Variants in CCNY observed in about 807,000 individuals in gnomAD.
CCNY encodes cyclin-Y.
In CCNY, 19 loss-of-function variants were observed where a neutral mutation model predicts 42.8. That is an observed-to-expected ratio of 0.44 (90% CI 0.31 to 0.65). CCNY has a LOEUF of 0.65. CCNY is among the 30% of genes least tolerant of loss of function. The probability of loss-of-function intolerance (pLI) is 0.07; values close to 1 mark genes in which losing one functional copy is unlikely to be tolerated. For synonymous variants in CCNY, 165 were observed against 162.7 expected (o/e 1.01, Z -0.11); for missense variants, 370 against 437.3 (o/e 0.85, Z 1.37).
chr10:35,568,455 C>T (rs1841615856), intron 9 of CCNY, among the ~76,000 whole-genome samples: 1 of 152,226 alleles, frequency 6.6e-6, no homozygotes, highest in Non-Finnish European at 1.5e-5. Flanking sequence ...CATGGTCCCC[C>T]GTCCTTATCA....
intron 3 of CCNY, among the ~76,000 whole-genome samples, chr10:35,281,694 A>G (rs1182926284): frequency 2.0e-5 from 3 of 152,186 alleles, no homozygotes; most frequent in Non-Finnish European, 4.4e-5. Context: ...GAATGGATAA[A>G]TGAATGAAAT....
At chr10:35,383,433 G>A (rs573338199) in intron 1 of CCNY, among the ~76,000 whole-genome samples, 1 of 151,650 alleles carries the variant, frequency 6.6e-6, no homozygotes, top group Admixed American at 6.6e-5. Flanking sequence ...CCAGCCTCCC[G>A]AGTAGCTGGG....
At chr10:35,349,329 C>A (rs964551318) in intron 1 of CCNY, among the ~76,000 whole-genome samples, 8 of 152,188 alleles carry the variant, frequency 5.3e-5, no homozygotes, top group African/African-American at 1.9e-4. Context: ...GCTACCCACT[C>A]TCCCACAACC....
At chr10:35,276,788 T>C (rs535100489) in intron 3 of CCNY, among the ~76,000 whole-genome samples, 1 of 152,336 alleles carries the variant, frequency 6.6e-6, no homozygotes, top group African/African-American at 2.4e-5. Context: ...CACTAGTCCT[T>C]TCTTCATCAC....
intron 3 of CCNY, among the ~76,000 whole-genome samples, chr10:35,513,599 C>T (rs535766227): frequency 1.3e-5 from 2 of 152,334 alleles, no homozygotes; most frequent in African/African-American, 4.8e-5. Context: ...TGCACTCCTT[C>T]TGATAGACCC....
intron 3 of CCNY, among the ~76,000 whole-genome samples, chr10:35,290,265 A>ACAC (rs1405052578): frequency 1.4e-4 from 7 of 50,156 alleles, no homozygotes; most frequent in South Asian, 7.7e-4. Context: ...CACACACACA[A>ACAC]AATTAGCTGG....
intron 1 of CCNY, among the ~76,000 whole-genome samples, chr10:35,430,162 C>A (rs191363290): frequency 1.3e-5 from 2 of 151,074 alleles, no homozygotes; most frequent in East Asian, 3.9e-4. Context: ...ACGGTGAAAC[C>A]CCGTCTCTAC....
At chr10:35,424,417 G>T (rs1459477383) in intron 1 of CCNY, among the ~76,000 whole-genome samples, 1 of 152,114 alleles carries the variant, frequency 6.6e-6, no homozygotes, top group African/African-American at 2.4e-5. Flanking sequence ...GTAGAGACGG[G>T]GTTTCTCCAT....
At chr10:35,423,981 A>G (rs1323752923) in intron 1 of CCNY, among the ~76,000 whole-genome samples, 1 of 152,168 alleles carries the variant, frequency 6.6e-6, no homozygotes, top group Non-Finnish European at 1.5e-5. Context: ...GGTAATTCCC[A>G]TACCAGTAAC....
intron 9 of CCNY, among the ~76,000 whole-genome samples, chr10:35,568,140 G>A (rs906426764): frequency 6.6e-6 from 1 of 152,224 alleles, no homozygotes; most frequent in Admixed American, 6.5e-5. Context: ...GTTCTCTGCT[G>A]AAGAATATCT....
At chr10:35,283,550 C>T (rs953077700) in intron 3 of CCNY, among the ~76,000 whole-genome samples, 31 of 152,002 alleles carry the variant, frequency 2.0e-4, no homozygotes, top group African/African-American at 7.0e-4. Flanking sequence ...ACCACAGGCA[C>T]GTGCCACCAC....
At chr10:35,257,069 C>A (rs1240721993) in intron 3 of CCNY, among the ~76,000 whole-genome samples, 1 of 151,992 alleles carries the variant, frequency 6.6e-6, no homozygotes. Flanking sequence ...ATGTATTTAC[C>A]TTTATTGAAA....
chr10:35,285,395 G>C (rs1312086645), intron 3 of CCNY, among the ~76,000 whole-genome samples: 1 of 151,984 alleles, frequency 6.6e-6, no homozygotes, highest in East Asian at 1.9e-4. Context: ...GCATGTATTT[G>C]GTTCATTTAA....
intron 8 of CCNY, among the ~76,000 whole-genome samples, chr10:35,555,060 TAC>T (rs1841336887): frequency 6.6e-6 from 1 of 152,206 alleles, no homozygotes; most frequent in Non-Finnish European, 1.5e-5. Flanking sequence ...TGTCAGGAGG[TAC>T]ACACTGCCCA....
At chr10:35,499,705 G>C (rs571864164) in intron 2 of CCNY, among the ~76,000 whole-genome samples, 133 of 152,286 alleles carry the variant, frequency 8.7e-4, no homozygotes, top group African/African-American at 3.0e-3. Flanking sequence ...ACAGTTGGGA[G>C]ACTTGTGTCT....
intron 1 of CCNY, among the ~76,000 whole-genome samples, chr10:35,350,067 G>A (rs552030849): frequency 1.3e-5 from 2 of 152,160 alleles, no homozygotes; most frequent in African/African-American, 4.8e-5. Flanking sequence ...TTTGCAAAGG[G>A]CTGCGTTGTT....
At position 35,479,764 on chromosome 10, in the gene CCNY, TA is replaced by T. The variant is rs572142241; in HGVS notation, c.155-3630del. On this transcript the variant is annotated intron_variant, in intron 1 of 9. Coordinates refer to ENST00000374704, the MANE Select transcript of CCNY (RefSeq NM_145012.6). The stretch of plus-strand genomic sequence containing the variant: ...CCTAAAACTTAAAGTATAATAATAA[TA>T]AAAAAAAAAGAAAAACATCATAGAG... Among the ~76,000 whole-genome samples the T allele has an allele frequency of 5.6e-4, 82 of 145,352 alleles. 1 individual carries two copies. The highest frequency in any genetic ancestry group is 1.8e-3 in the South Asian group (8 of 4,556).
chr10:35,287,417 CATA>C (rs1301538549), intron 3 of CCNY, among the ~76,000 whole-genome samples: 1 of 152,150 alleles, frequency 6.6e-6, no homozygotes, highest in Non-Finnish European at 1.5e-5. Flanking sequence ...AACACATCTG[CATA>C]ATAACCACCA....
chr10:35,469,552 AACGGGAG>A (rs1237700678), intron 1 of CCNY, among the ~76,000 whole-genome samples: 1 of 151,892 alleles, frequency 6.6e-6, no homozygotes. Flanking sequence ...GGAGAGGCAG[AACGGGAG>A]ATGGAGAGAT....
Sources: allele counts gnomAD v4.1 joint callset (sites outside exome capture counted in the v4.1 genomes callset), GRCh38; gene constraint gnomAD v4.1.1; transcripts MANE v1.5; gene names NCBI Gene and HGNC (gene_info 2026-07-23, HGNC 2026-07-21).